The following MYOM1 variants were observed in gnomAD, a reference collection of about 807,000 sequenced individuals.
The protein encoded by MYOM1 is myomesin-1.
A neutral mutation model predicts 205.3 loss-of-function variants in MYOM1; 164 were observed. That is an observed-to-expected ratio of 0.80 (90% CI 0.70 to 0.91). The LOEUF (loss-of-function observed/expected upper bound fraction) is 0.91. Among genes scored for constraint, MYOM1 ranks in the 40% least tolerant of loss-of-function variants. MYOM1 has a pLI of 0.00. For missense variants in MYOM1, 2,011 were observed against 2,127.3 expected, an observed-to-expected ratio of 0.95 and a Z score of 1.08; for synonymous variants, 772 against 789.4, an observed-to-expected ratio of 0.98 and a Z score of 0.37.
intron 17 of MYOM1, 179 bp from the exon 18 acceptor site, chr18:3,129,698 C>T (rs1353709627): frequency 7.4e-6 from 4 of 536,922 alleles, no homozygotes; most frequent in Middle Eastern, 5.1e-4. Flanking sequence ...ACACAATATA[C>T]GCCAAGGAAC....
chr18:3,187,258 G>A (rs1275864217), intron 5 of MYOM1, among the ~76,000 whole-genome samples: 1 of 152,134 alleles, frequency 6.6e-6, no homozygotes, highest in Non-Finnish European at 1.5e-5. Context: ...TGTATAATAG[G>A]ATTATAGAGT....
At chr18:3,133,809 T>C (rs990246438) in intron 16 of MYOM1, among the ~76,000 whole-genome samples, 5 of 152,196 alleles carry the variant, frequency 3.3e-5, no homozygotes, top group Non-Finnish European at 7.3e-5. Context: ...ATGTATTGCA[T>C]CTAATGTGTT....
At chr18:3,099,570 G>T (rs2079350794) in intron 25 of MYOM1, among the ~76,000 whole-genome samples, 1 of 152,184 alleles carries the variant, frequency 6.6e-6, no homozygotes, top group African/African-American at 2.4e-5. Flanking sequence ...CCTTCCAAGG[G>T]TCATTTCTGA....
intron 8 of MYOM1, among the ~76,000 whole-genome samples, chr18:3,171,979 T>C (rs1288041423): frequency 1.3e-5 from 2 of 152,214 alleles, no homozygotes; most frequent in African/African-American, 4.8e-5. Flanking sequence ...ATCCCTATTC[T>C]ACCACTCTGT....
At chr18:3,246,653 A>T in the MYOM1 span, 1 of 152,384 alleles carries the variant, frequency 6.6e-6, no homozygotes, top group Non-Finnish European at 1.5e-5. Flanking sequence ...CGGCGTTTAC[A>T]GCAACACTGT....
chr18:3,139,898 A>T (rs1260783253), intron 14 of MYOM1, among the ~76,000 whole-genome samples: 2 of 152,220 alleles, frequency 1.3e-5, no homozygotes, highest in African/African-American at 4.8e-5. Flanking sequence ...GAAAAGTTCA[A>T]CAGAAGCCAA....
intron 22 of MYOM1, among the ~76,000 whole-genome samples, chr18:3,111,117 A>T (rs1277989801): frequency 7.0e-6 from 1 of 143,424 alleles, no homozygotes; most frequent in Admixed American, 7.2e-5. Flanking sequence ...ACATCCAGCT[A>T]ATTTAAAAAT....
intron 12 of MYOM1, among the ~76,000 whole-genome samples, chr18:3,150,886 C>G (rs182402060): frequency 6.6e-6 from 1 of 151,536 alleles, no homozygotes; most frequent in African/African-American, 2.4e-5. Flanking sequence ...GTAATCACAG[C>G]TCACTGCAGC....
rs114617981 is a variant in MYOM1, at chr18:3,193,682, T to C, written c.431+136A>G. The C allele has an allele frequency of 4.3e-3, 3,955 of 914,556 alleles. 94 individuals are homozygous for C. The African/African-American group carries it at 0.057, about 13-fold the overall frequency. 56.7% of individuals were successfully genotyped at this position (914,556 alleles called of 1,614,324 possible). A position where few individuals can be genotyped will look rare whatever the true frequency, so the allele number is the denominator to read the frequency against. Reference sequence around the variant, plus strand: ...AAAAGGTTAGCTGCTTTTACTATAATCTAACAAGTGCTCAATAAATGTTAG... The same window carrying C: ...AAAAGGTTAGCTGCTTTTACTATAACCTAACAAGTGCTCAATAAATGTTAG... On this transcript the variant is annotated intron_variant, in intron 3 of 37. Coordinates refer to ENST00000356443, the MANE Select transcript of MYOM1 (RefSeq NM_003803.4).
At position 3,164,137 on chromosome 18, in the gene MYOM1, G is replaced by A. The variant is rs897481330; in HGVS notation, c.1501+141C>T. 3.1e-5 allele frequency: 27 copies of A among 878,154 alleles called. No individual in the cohort carries two copies. In the East Asian group the frequency reaches 3.3e-4, roughly 11 times the overall value. 54.4% of individuals were successfully genotyped at this position (878,154 alleles called of 1,614,324 possible). ...CTCCCAAAGTGCTGGGATTACAGGCGTGAGACATTGCACCCTGCCAGAATT... is the reference window on the plus strand; with the variant it reads ...CTCCCAAAGTGCTGGGATTACAGGCATGAGACATTGCACCCTGCCAGAATT... On this transcript the variant is annotated intron_variant, in intron 10 of 37. Coordinates refer to ENST00000356443, the MANE Select transcript of MYOM1 (RefSeq NM_003803.4).
At chr18:3,197,710 A>G (rs1186638977) in intron 2 of MYOM1, among the ~76,000 whole-genome samples, 2 of 151,630 alleles carry the variant, frequency 1.3e-5, no homozygotes, top group Non-Finnish European at 2.9e-5. Flanking sequence ...CGTCTTTACT[A>G]AAAATACAAA....
At chr18:3,230,607 T>C in the MYOM1 span, among the ~76,000 whole-genome samples, 3 of 152,206 alleles carry the variant, frequency 2.0e-5, no homozygotes, top group African/African-American at 7.2e-5. Context: ...CTTTGTAACC[T>C]TGCTTCAGCC....
At chr18:3,174,042 C>T (rs375986146) in intron 7 of MYOM1, 42 bp from the exon 8 acceptor site, 16 of 1,608,902 alleles carry the variant, frequency 9.9e-6, no homozygotes, top group Admixed American at 5.0e-5. Context: ...GCTTTGTGAT[C>T]GATTTATTTT....
At chr18:3,091,256 C>T (rs1293331973) in intron 26 of MYOM1, among the ~76,000 whole-genome samples, 2 of 151,810 alleles carry the variant, frequency 1.3e-5, no homozygotes, top group African/African-American at 4.8e-5. Context: ...GCAGAGGTTG[C>T]AGTGAGCCGA....
chr18:3,113,903 T>C (rs923729493), intron 21 of MYOM1, among the ~76,000 whole-genome samples: 8 of 152,354 alleles, frequency 5.3e-5, no homozygotes, highest in South Asian at 2.1e-4. Context: ...ATGAGGTACG[T>C]ATTAAATTGT....
chr18:3,159,965 GCCTT>G lies in MYOM1; in HGVS notation c.1501+4309_1501+4312del, dbSNP rs538646813. Reference sequence around the variant, plus strand: ...TCCTTCCCTCCTTCCTTCCCTGCCTGCCTTCCTTCTCTCTCTCCCTCTCTTATTC... The same window carrying G: ...TCCTTCCCTCCTTCCTTCCCTGCCTGCCTTCTCTCTCTCCCTCTCTTATTC... On this transcript the variant is annotated intron_variant, in intron 10 of 37. Coordinates refer to ENST00000356443, the MANE Select transcript of MYOM1 (RefSeq NM_003803.4). Among the ~76,000 whole-genome samples the G allele has an allele frequency of 2.5e-3, 306 of 124,358 alleles. 1 individual carries two copies. Among genetic ancestry groups the G allele is most frequent in the African/African-American group, 8.7e-3 (292 of 33,402 alleles). 81.6% of individuals were successfully genotyped at this position (124,358 alleles called of 152,430 possible). A position where few individuals can be genotyped will look rare whatever the true frequency, so the allele number is the denominator to read the frequency against.
chr18:3,169,606 A>G (rs1297622463), intron 8 of MYOM1, among the ~76,000 whole-genome samples: 2 of 152,230 alleles, frequency 1.3e-5, no homozygotes, highest in African/African-American at 2.4e-5. Flanking sequence ...TGACAATGAG[A>G]TATCATTTCA....
intron 2 of MYOM1, among the ~76,000 whole-genome samples, chr18:3,203,273 C>A (rs1451209339): frequency 1.4e-5 from 2 of 148,098 alleles, no homozygotes; most frequent in East Asian, 2.0e-4. Flanking sequence ...AGCAGAAGGG[C>A]AATATAATGA....
chr18:3,180,441 C>T (rs116693097), intron 5 of MYOM1, among the ~76,000 whole-genome samples: 1,997 of 152,260 alleles, frequency 0.013, 35 homozygotes, highest in African/African-American at 0.045. Context: ...CAAAGAATTC[C>T]ACCCAGTGAG....
Sources: gnomAD v4.1 joint callset for allele counts (sites outside exome capture counted in the v4.1 genomes callset) on GRCh38, gnomAD v4.1.1 for gene constraint, MANE v1.5 for transcripts, NCBI Gene and HGNC (gene_info 2026-07-23, HGNC 2026-07-21) for gene names.